PRKCB: variants seen among roughly 807,000 people sequenced by gnomAD.
The protein encoded by PRKCB is protein kinase C beta.
In PRKCB, 13 loss-of-function variants were observed where a neutral mutation model predicts 81.5. The observed-to-expected ratio is 0.16, with a 90% CI of 0.10 to 0.25. The LOEUF (loss-of-function observed/expected upper bound fraction) is 0.25. Among genes scored for constraint, PRKCB ranks in the 10% least tolerant of loss-of-function variants. The probability of loss-of-function intolerance (pLI) is 1.00; values close to 1 mark genes in which losing one functional copy is unlikely to be tolerated. For missense variants in PRKCB, 509 were observed against 875.7 expected (o/e 0.58, Z 5.29); for synonymous variants, 335 against 321.4 (o/e 1.04, Z -0.45).
At chr16:24,042,743 A>ATTT (rs4039567) in intron 5 of PRKCB, among the ~76,000 whole-genome samples, 36,551 of 144,438 alleles carry the variant, frequency 0.25, 5,261 homozygotes, top group South Asian at 0.44. Flanking sequence ...TACATACAAA[A>ATTT]TTTTTTTTTT....
Position 23,836,212 on chromosome 16 carries a change from G to T in PRKCB, c.37G>T (p.Gly13Cys). ...GGCTGCGGGGCCGCCGCCGAGCGAG[G>T]GCGAGGAGAGCACCGTGCGCTTCGC... Reference protein sequence around the residue: ...DPAAGPPPSEGEESTVRFARK... With the variant: ...DPAAGPPPSECEESTVRFARK... Residue 13 changes from glycine to cysteine, a missense_variant, in exon 1 of 17, where the codon GGC becomes TGC. Physicochemically the swap from Gly to Cys is radical, Grantham distance 159 (BLOSUM62 -3). Coordinates refer to ENST00000643927, the MANE Select transcript of PRKCB (RefSeq NM_002738.7). The T allele has an allele frequency of 1.3e-6, 2 of 1,581,652 alleles. No individual in the cohort carries two copies. Among genetic ancestry groups the T allele is most frequent in the East Asian group, 2.5e-5 (1 of 39,740 alleles).
rs568307948 is a variant in PRKCB at position 24,016,773 on chromosome 16, G to A, written c.289-15363G>A. ...CCAATCTGTTTTTCTCCTGGCAGCC[G>A]TGGTTCTATATCACATCCCACCTCA... On this transcript the variant is annotated intron_variant, in intron 3 of 16. Coordinates refer to ENST00000643927, the MANE Select transcript of PRKCB (RefSeq NM_002738.7). Among the ~76,000 whole-genome samples, 10 of 152,240 alleles carry A rather than the reference G, an allele frequency of 6.6e-5. No individual in the cohort carries two copies. In the South Asian group the frequency reaches 1.0e-3, roughly 16 times the overall value.
chr16:23,926,834 A>G (rs915587982), intron 2 of PRKCB, among the ~76,000 whole-genome samples: 1 of 152,096 alleles, frequency 6.6e-6, no homozygotes, highest in Non-Finnish European at 1.5e-5. Context: ...AAATTCAGGT[A>G]AAAGATCTCA....
chr16:23,911,991 C>T (rs1963664653), intron 2 of PRKCB, among the ~76,000 whole-genome samples: 1 of 151,752 alleles, frequency 6.6e-6, no homozygotes, highest in Admixed American at 6.6e-5. Flanking sequence ...ACCACCATGC[C>T]CAGCTAAGTT....
intron 2 of PRKCB, among the ~76,000 whole-genome samples, chr16:23,945,947 G>A (rs183485616): frequency 6.6e-6 from 1 of 152,186 alleles, no homozygotes; most frequent in Non-Finnish European, 1.5e-5. Context: ...TATATATTGG[G>A]CAACGACTAA....
At chr16:24,104,125 CT>C (rs1213077482) in intron 7 of PRKCB, among the ~76,000 whole-genome samples, 2 of 152,112 alleles carry the variant, frequency 1.3e-5, no homozygotes, top group African/African-American at 4.8e-5. Context: ...TCTTTTATAC[CT>C]TCATATTGTC....
At chr16:23,990,520 A>C (rs1964872251) in intron 3 of PRKCB, among the ~76,000 whole-genome samples, 1 of 141,344 alleles carries the variant, frequency 7.1e-6, no homozygotes, top group Non-Finnish European at 1.5e-5. Context: ...GCAAAGTCTT[A>C]CTCTTTGAAG....
intron 5 of PRKCB, among the ~76,000 whole-genome samples, chr16:24,078,472 G>A (rs1308038668): frequency 6.6e-6 from 1 of 152,290 alleles, no homozygotes; most frequent in East Asian, 1.9e-4. Flanking sequence ...CAAACCATCT[G>A]TCCTAGGCAG....
At chr16:24,001,371 A>G (rs1965032358) in intron 3 of PRKCB, among the ~76,000 whole-genome samples, 1 of 152,192 alleles carries the variant, frequency 6.6e-6, no homozygotes, top group Non-Finnish European at 1.5e-5. Context: ...TCAATTAGAG[A>G]TGGTAGACAC....
intron 9 of PRKCB, among the ~76,000 whole-genome samples, chr16:24,150,463 C>T (rs1567392938): frequency 6.6e-6 from 1 of 152,228 alleles, no homozygotes; most frequent in Non-Finnish European, 1.5e-5. Context: ...ATCCGATTGG[C>T]TTGGCTCAGG....
At chr16:24,183,004 C>T (rs561595608) in intron 13 of PRKCB, among the ~76,000 whole-genome samples, 2 of 151,982 alleles carry the variant, frequency 1.3e-5, no homozygotes, top group South Asian at 4.2e-4. Flanking sequence ...CTACAGGTGC[C>T]CATCACCACG....
intron 5 of PRKCB, among the ~76,000 whole-genome samples, chr16:24,088,632 G>A (rs543642708): frequency 6.6e-6 from 1 of 151,780 alleles, no homozygotes; most frequent in Non-Finnish European, 1.5e-5. Context: ...AGGGTGCTGA[G>A]GTGGTAGCAT....
intron 2 of PRKCB, among the ~76,000 whole-genome samples, chr16:23,850,571 G>A (rs1477909140): frequency 2.0e-5 from 3 of 152,126 alleles, no homozygotes; most frequent in African/African-American, 7.2e-5. Flanking sequence ...CACTGTGTTG[G>A]TGAGGCTGGT....
At chr16:24,184,462 AAAG>A (rs1398778149) in intron 13 of PRKCB, among the ~76,000 whole-genome samples, 1 of 151,996 alleles carries the variant, frequency 6.6e-6, no homozygotes, top group East Asian at 1.9e-4. Context: ...CTCAAAAAAA[AAAG>A]AAAAGAAAAA....
intron 13 of PRKCB, among the ~76,000 whole-genome samples, chr16:24,183,866 T>C (rs1967663894): frequency 6.6e-6 from 1 of 152,230 alleles, no homozygotes; most frequent in East Asian, 1.9e-4. Context: ...TACTGAAAGA[T>C]GGACAATCAC....
At chr16:23,882,790 G>A (rs867565599) in intron 2 of PRKCB, among the ~76,000 whole-genome samples, 1 of 127,336 alleles carries the variant, frequency 7.9e-6, no homozygotes, top group Non-Finnish European at 1.6e-5. Flanking sequence ...GTCTCCCTAT[G>A]TTGGCCAGGC....
chr16:24,091,801 C>A (rs1461112996), intron 5 of PRKCB, among the ~76,000 whole-genome samples: 1 of 152,082 alleles, frequency 6.6e-6, no homozygotes, highest in Non-Finnish European at 1.5e-5. Context: ...TTAGTAGAGA[C>A]AGGGTTTCAC....
intron 3 of PRKCB, among the ~76,000 whole-genome samples, chr16:24,013,781 C>CCAA (rs1555490540): frequency 7.2e-6 from 1 of 138,036 alleles, no homozygotes; most frequent in Non-Finnish European, 1.6e-5. Context: ...TGTGGAATTG[C>CCAA]AAAAAAAAAA....
chr16:24,156,306 G>T lies in PRKCB; in HGVS notation c.1239+1449G>T, dbSNP rs564292346. On this transcript the variant is annotated intron_variant, in intron 10 of 16. Coordinates refer to ENST00000643927, the MANE Select transcript of PRKCB (RefSeq NM_002738.7). ...GCTTTTTTTTTTCTAAATGGGTCTG[G>T]CTCTGTCTCCCCAGCTAGAGTGCAG... 3.3e-5 allele frequency among the ~76,000 whole-genome samples: 5 copies of T among 151,960 alleles called. No homozygotes were observed. The South Asian group carries it at 8.3e-4, about 25-fold the overall frequency.
Sources: gnomAD v4.1 joint callset for allele counts (sites outside exome capture counted in the v4.1 genomes callset) on GRCh38, gnomAD v4.1.1 for gene constraint, MANE v1.5 for transcripts, NCBI Gene and HGNC (gene_info 2026-07-23, HGNC 2026-07-21) for gene names.